The following SHQ1 variants were observed in gnomAD, a reference collection of about 807,000 sequenced individuals.
SHQ1 encodes the protein protein SHQ1 homolog.
Under a neutral mutation model 53.8 loss-of-function variants are expected in SHQ1, and 49 were observed. The ratio of observed to expected loss-of-function variants is 0.91; its 90% CI spans 0.72 to 1.16. SHQ1 has a LOEUF of 1.16. SHQ1 is among the 50% of genes most tolerant of loss of function. The pLI is 0.00. For missense variants in SHQ1, 738 were observed against 683.1 expected (o/e 1.08, Z -0.90); for synonymous variants, 243 against 251.0 (o/e 0.97, Z 0.30).
In SHQ1 at chr3:72,828,052, C is replaced by T. The variant is rs116653306; in HGVS notation, c.600-3501G>A. Among the ~76,000 whole-genome samples the T allele has an allele frequency of 5.6e-3, 848 of 152,266 alleles. 4 individuals carry two copies. The highest frequency in any genetic ancestry group is 0.019 in the African/African-American group (796 of 41,552). ...TACAGGCGTGAGCCACCATGCCCCG[C>T]CTTTTTCAAGACTTTCAAGGTCACT... On this transcript the variant is annotated intron_variant, in intron 5 of 10. Coordinates refer to ENST00000325599, the MANE Select transcript of SHQ1 (RefSeq NM_018130.3).
chr3:72,819,398 C>T (rs1000988500), intron 6 of SHQ1, among the ~76,000 whole-genome samples: 2 of 152,068 alleles, frequency 1.3e-5, no homozygotes, highest in Non-Finnish European at 2.9e-5. Context: ...GTTTATGGTA[C>T]CTTTTGCCAT....
At chr3:72,732,370 C>A in the SHQ1 span, among the ~76,000 whole-genome samples, 1 of 130,818 alleles carries the variant, frequency 7.6e-6, no homozygotes, top group Non-Finnish European at 1.6e-5. Context: ...GCCTGCCTGC[C>A]TGCCTGCCTG....
At chr3:72,751,529 T>TATACACAC (rs1491584090) in intron 10 of SHQ1, among the ~76,000 whole-genome samples, 3 of 138,028 alleles carry the variant, frequency 2.2e-5, no homozygotes, top group African/African-American at 5.9e-5. Flanking sequence ...TATATATATA[T>TATACACAC]ACATATACAT....
At chr3:72,765,057 G>C (rs528814972) in intron 10 of SHQ1, among the ~76,000 whole-genome samples, 1 of 152,300 alleles carries the variant, frequency 6.6e-6, no homozygotes, top group African/African-American at 2.4e-5. Context: ...TAAGTAAAAA[G>C]ATGCATGGGG....
intron 4 of SHQ1, among the ~76,000 whole-genome samples, chr3:72,835,253 G>T (rs1449519850): frequency 6.6e-6 from 1 of 151,888 alleles, no homozygotes; most frequent in Non-Finnish European, 1.5e-5. Flanking sequence ...TGGGGAAGGG[G>T]ACAGTTTTCT....
At chr3:72,786,626 C>G (rs527441432) in intron 10 of SHQ1, among the ~76,000 whole-genome samples, 1 of 152,306 alleles carries the variant, frequency 6.6e-6, no homozygotes, top group Middle Eastern at 3.4e-3. Flanking sequence ...AGCCCTGTGT[C>G]CTCTTAGATG....
At chr3:72,820,793 C>A (rs1388128623) in intron 6 of SHQ1, among the ~76,000 whole-genome samples, 2 of 152,150 alleles carry the variant, frequency 1.3e-5, no homozygotes, top group Admixed American at 1.3e-4. Flanking sequence ...CAGCTGAACT[C>A]TCAATACATT....
intron 10 of SHQ1, among the ~76,000 whole-genome samples, chr3:72,768,089 C>G (rs1705770141): frequency 6.6e-6 from 1 of 151,930 alleles, no homozygotes; most frequent in African/African-American, 2.4e-5. Flanking sequence ...GAGCACAGAG[C>G]TTGGCTGTGA....
intron 10 of SHQ1, among the ~76,000 whole-genome samples, chr3:72,766,678 CAAG>C (rs1705736542): frequency 6.6e-6 from 1 of 152,114 alleles, no homozygotes; most frequent in African/African-American, 2.4e-5. Context: ...ACCAGGCAAA[CAAG>C]GAGGAAAGAT....
chr3:72,795,429 G>A (rs1021567241), intron 9 of SHQ1: 1 of 152,182 alleles, frequency 6.6e-6, no homozygotes, highest in Non-Finnish European at 1.5e-5. Flanking sequence ...GATGAAAGGA[G>A]GAGGAAATAT....
downstream of SHQ1, among the ~76,000 whole-genome samples, chr3:72,748,006 C>T (rs938231788): frequency 1.3e-5 from 2 of 151,128 alleles, no homozygotes; most frequent in African/African-American, 4.9e-5. Flanking sequence ...AAAAAACACA[C>T]ACTCACATTA....
intron 4 of SHQ1, among the ~76,000 whole-genome samples, chr3:72,838,173 G>A (rs2106945959): frequency 6.6e-6 from 1 of 152,280 alleles, no homozygotes; most frequent in South Asian, 2.1e-4. Context: ...CACTAAGTGG[G>A]ATTTAAAAAT....
At chr3:72,832,596 T>C (rs553842221) in intron 4 of SHQ1, 115 bp from the exon 5 acceptor site, 3 of 650,144 alleles carry the variant, frequency 4.6e-6, no homozygotes, top group African/African-American at 3.7e-5. Context: ...CAGTAAACCA[T>C]GATGCCACCT....
At chr3:72,753,044 T>G (rs899548308) in intron 10 of SHQ1, 16 of 985,250 alleles carry the variant, frequency 1.6e-5, no homozygotes, top group Non-Finnish European at 1.9e-5. Context: ...ATTATTAACT[T>G]GGATGCATTT....
chr3:72,801,774 C>T (rs887877121), intron 9 of SHQ1, among the ~76,000 whole-genome samples: 4 of 152,152 alleles, frequency 2.6e-5, no homozygotes, highest in Non-Finnish European at 5.9e-5. Flanking sequence ...AGATATTTAT[C>T]TCTACATATA....
chr3:72,736,893 C>T, the SHQ1 span, among the ~76,000 whole-genome samples: 2 of 152,008 alleles, frequency 1.3e-5, no homozygotes, highest in African/African-American at 4.8e-5. Context: ...TTTGCTGACT[C>T]CTGCACTAAT....
At chr3:72,736,567 G>C in the SHQ1 span, among the ~76,000 whole-genome samples, 2 of 150,814 alleles carry the variant, frequency 1.3e-5, no homozygotes, top group South Asian at 2.1e-4. Context: ...GAGACAGATG[G>C]ATCACTTGAG....
At chr3:72,730,422 C>A in the SHQ1 span, among the ~76,000 whole-genome samples, 1 of 152,160 alleles carries the variant, frequency 6.6e-6, no homozygotes, top group South Asian at 2.1e-4. Flanking sequence ...TTTAAAAATT[C>A]TTTAAAATGT....
At chr3:72,778,751 T>C (rs1001211461) in intron 10 of SHQ1, among the ~76,000 whole-genome samples, 2 of 152,284 alleles carry the variant, frequency 1.3e-5, no homozygotes, top group Non-Finnish European at 2.9e-5. Context: ...CTGGCCATTA[T>C]CCAGAATTAT....
Sources: allele counts gnomAD v4.1 joint callset (sites outside exome capture counted in the v4.1 genomes callset), GRCh38; gene constraint gnomAD v4.1.1; transcripts MANE v1.5; gene names NCBI Gene and HGNC (gene_info 2026-07-23, HGNC 2026-07-21).